BMP2K: variants seen among roughly 807,000 people sequenced by gnomAD.
BMP2K encodes BMP2 inducible kinase, also known as BMP-2-inducible protein kinase.
Under a neutral mutation model 116.0 loss-of-function variants are expected in BMP2K, and 74 were observed. The ratio of observed to expected loss-of-function variants is 0.64; its 90% CI spans 0.53 to 0.77. The LOEUF (loss-of-function observed/expected upper bound fraction) is 0.77. Among genes scored for constraint, BMP2K ranks in the 30% least tolerant of loss-of-function variants. The pLI is 0.00. For synonymous variants in BMP2K, 486 were observed against 502.5 expected, an observed-to-expected ratio of 0.97 and a Z score of 0.44; for missense variants, 1,365 against 1,403.6, an observed-to-expected ratio of 0.97 and a Z score of 0.44.
chr4:78,890,137 T>C (rs1260898732), intron 15 of BMP2K, among the ~76,000 whole-genome samples: 1 of 152,180 alleles, frequency 6.6e-6, no homozygotes, highest in Non-Finnish European at 1.5e-5. Flanking sequence ...AGTATGTATA[T>C]AGTTTAAAAA....
chr4:78,844,987 C>G lies in BMP2K; in HGVS notation c.606C>G (p.Ala202=). 1 of 1,595,852 alleles carries G rather than the reference C, an allele frequency of 6.3e-7. No homozygotes were observed. Among genetic ancestry groups the G allele is most frequent in the Non-Finnish European group, 8.6e-7 (1 of 1,165,070 alleles). ...GNYVLCDFGS[A]TNKFLNPQKD... ...ATGTACTTTGTGACTTTGGCAGTGC[C>G]ACTAATAAATTTCTTAATCCTCAAA... is the stretch of plus-strand genomic sequence containing the variant. Residue 202 remains alanine (A), a synonymous_variant, in exon 5 of 16, where the codon GCC becomes GCG. Coordinates refer to ENST00000502613, the MANE Select transcript of BMP2K (RefSeq NM_198892.2).
At chr4:78,824,710 T>G (rs1360018601) in intron 1 of BMP2K, among the ~76,000 whole-genome samples, 1 of 152,214 alleles carries the variant, frequency 6.6e-6, no homozygotes, top group South Asian at 2.1e-4. Context: ...TTATTATTGC[T>G]CAGGATGCTG....
chr4:78,859,285 CA>C (rs1731653993), intron 7 of BMP2K: 1 of 216,148 alleles, frequency 4.6e-6, no homozygotes. Context: ...AATAATTCCC[CA>C]GTGTTCACTA....
At chr4:78,783,575 A>C (rs1232106188) in intron 1 of BMP2K, among the ~76,000 whole-genome samples, 1 of 152,154 alleles carries the variant, frequency 6.6e-6, no homozygotes, top group Admixed American at 6.5e-5. Context: ...GGAGGCTGAG[A>C]CAGGTAGATC....
At chr4:78,846,786 T>C (rs1251124584) in intron 5 of BMP2K, among the ~76,000 whole-genome samples, 2 of 151,628 alleles carry the variant, frequency 1.3e-5, no homozygotes, top group Non-Finnish European at 3.0e-5. Context: ...AATATATAAA[T>C]TAAGTTTTTG....
intron 1 of BMP2K, among the ~76,000 whole-genome samples, chr4:78,786,405 ATGTGTGTGTGTGTGTG>A (rs34288286): frequency 2.2e-4 from 30 of 134,386 alleles, no homozygotes; most frequent in South Asian, 5.2e-4. Context: ...AAGCCACCCA[ATGTGTGTGTGTGTGTG>A]TGTGTGTGTG....
In BMP2K at chr4:78,849,753, C is replaced by T. The variant is rs188608301; in HGVS notation, c.751-1171C>T. On this transcript the variant is annotated intron_variant, in intron 6 of 15. Coordinates refer to ENST00000502613, the MANE Select transcript of BMP2K (RefSeq NM_198892.2). ...ATTTATAATTTTGTCATGTAATAAC[C>T]CAGTAATTTTTTTGAACTAACATTT... Among the ~76,000 whole-genome samples the T allele has an allele frequency of 4.5e-3, 682 of 151,478 alleles. 2 individuals are homozygous for T. Among genetic ancestry groups the T allele is most frequent in the African/African-American group, 0.016 (645 of 41,442 alleles).
chr4:78,858,622 G>A (rs530806118), intron 7 of BMP2K, among the ~76,000 whole-genome samples: 1 of 151,914 alleles, frequency 6.6e-6, no homozygotes, highest in Admixed American at 6.6e-5. Context: ...ACTTAAATTT[G>A]AAGGGAAGAT....
chr4:78,882,944 C>A (rs1732931501), intron 14 of BMP2K, among the ~76,000 whole-genome samples: 1 of 152,042 alleles, frequency 6.6e-6, no homozygotes, highest in African/African-American at 2.4e-5. Flanking sequence ...CAGAGCTTTT[C>A]AAATATATTA....
At chr4:78,824,607 C>T (rs1729783618) in intron 1 of BMP2K, among the ~76,000 whole-genome samples, 2 of 152,200 alleles carry the variant, frequency 1.3e-5, no homozygotes, top group Non-Finnish European at 2.9e-5. Flanking sequence ...AGTGGGGACA[C>T]AGCCAAATCA....
At chr4:78,800,011 G>T (rs986533744) in intron 1 of BMP2K, among the ~76,000 whole-genome samples, 12 of 152,210 alleles carry the variant, frequency 7.9e-5, no homozygotes, top group Middle Eastern at 6.3e-3. Flanking sequence ...ACAAGGTTGA[G>T]CTGTCTTTGC....
At chr4:78,796,611 A>G (rs1464033500) in intron 1 of BMP2K, among the ~76,000 whole-genome samples, 1 of 152,188 alleles carries the variant, frequency 6.6e-6, no homozygotes, top group African/African-American at 2.4e-5. Context: ...TAATAGTTAT[A>G]AGGCCACTTA....
intron 2 of BMP2K, among the ~76,000 whole-genome samples, chr4:78,831,726 T>C (rs1730214963): frequency 6.6e-6 from 1 of 152,208 alleles, no homozygotes; most frequent in Non-Finnish European, 1.5e-5. Flanking sequence ...TGAAAAATAT[T>C]TTAATAGGCC....
chr4:78,807,570 CT>C (rs201123285), intron 1 of BMP2K, among the ~76,000 whole-genome samples: 22 of 149,080 alleles, frequency 1.5e-4, no homozygotes, highest in Non-Finnish European at 2.2e-4. Flanking sequence ...TTTCTTTTTT[CT>C]TTTTTTTTAT....
intron 15 of BMP2K, among the ~76,000 whole-genome samples, chr4:78,890,691 C>T (rs1733386638): frequency 6.6e-6 from 1 of 152,074 alleles, no homozygotes; most frequent in Admixed American, 6.5e-5. Flanking sequence ...TTTAAGGTGG[C>T]TATCATTTTC....
intron 1 of BMP2K, among the ~76,000 whole-genome samples, chr4:78,795,046 C>A (rs1277433280): frequency 6.6e-6 from 1 of 152,142 alleles, no homozygotes; most frequent in African/African-American, 2.4e-5. Flanking sequence ...AAAAAGACTT[C>A]CTAAAACAAT....
chr4:78,803,216 T>C (rs1050452899), intron 1 of BMP2K, among the ~76,000 whole-genome samples: 3 of 152,192 alleles, frequency 2.0e-5, no homozygotes, highest in Admixed American at 6.5e-5. Context: ...TTAACATTCC[T>C]TTATATTTTA....
intron 1 of BMP2K, among the ~76,000 whole-genome samples, chr4:78,786,147 C>T (rs72659094): frequency 3.2e-4 from 49 of 152,240 alleles, no homozygotes; most frequent in Admixed American, 1.3e-3. Context: ...GAAATCCCAA[C>T]GCCCAAGGTG....
chr4:78,796,614 G>GCCACCTAAAGGAGTC (rs1188213281), intron 1 of BMP2K, among the ~76,000 whole-genome samples: 8 of 152,130 alleles, frequency 5.3e-5, no homozygotes, highest in African/African-American at 1.9e-4. Context: ...TAGTTATAAG[G>GCCACCTAAAGGAGTC]CCACTTAAAG....
Sources: allele counts gnomAD v4.1 joint callset (sites outside exome capture counted in the v4.1 genomes callset), GRCh38; gene constraint gnomAD v4.1.1; transcripts MANE v1.5; gene names NCBI Gene and HGNC (gene_info 2026-07-23, HGNC 2026-07-21).